EFR3B: variants seen among roughly 807,000 people sequenced by gnomAD.
The protein encoded by EFR3B is EFR3 homolog B, also known as protein EFR3 homolog B.
In EFR3B, 64 loss-of-function variants were observed where a neutral mutation model predicts 104.7. The observed-to-expected ratio is 0.61, with a 90% CI of 0.50 to 0.75. The LOEUF (loss-of-function observed/expected upper bound fraction) is 0.75, where lower values mean the gene tolerates loss of function less well. EFR3B is among the 30% of genes least tolerant of loss of function. The pLI, the probability that EFR3B is intolerant of heterozygous loss-of-function variation, is 0.00. For missense variants in EFR3B, 750 were observed against 1,078.5 expected (o/e 0.70, Z 4.27); for synonymous variants, 385 against 417.9 (o/e 0.92, Z 0.96).
chr2:25,073,319 A>G lies in EFR3B; in HGVS notation c.8-18006A>G, dbSNP rs573495986. Among the ~76,000 whole-genome samples, 6 of 151,998 alleles carry G rather than the reference A, an allele frequency of 3.9e-5. No homozygotes were observed. The East Asian group carries it at 1.2e-3, about 29-fold the overall frequency. ...TTCCAAGGCGTGCTCTCTCTATGCT[A>G]TAAAATACAAAACTGTGTATATTAT... On this transcript the variant is annotated intron_variant, in intron 1 of 22. Coordinates refer to ENST00000403714, the MANE Select transcript of EFR3B (RefSeq NM_014971.2).
chr2:25,101,541 G>A (rs1573203514), intron 3 of EFR3B, among the ~76,000 whole-genome samples: 1 of 152,052 alleles, frequency 6.6e-6, no homozygotes, highest in African/African-American at 2.4e-5. Flanking sequence ...TAAAGAAGGG[G>A]TCTCGCCATG....
At chr2:25,064,543 T>A (rs1312323319) in intron 1 of EFR3B, among the ~76,000 whole-genome samples, 4 of 152,202 alleles carry the variant, frequency 2.6e-5, no homozygotes, top group African/African-American at 9.6e-5. Context: ...TTTCTAACAC[T>A]ATTGTTTTCA....
At chr2:25,098,676 C>T (rs1348911312) in intron 3 of EFR3B, among the ~76,000 whole-genome samples, 2 of 152,022 alleles carry the variant, frequency 1.3e-5, no homozygotes, top group East Asian at 1.9e-4. Context: ...ATAAACATTC[C>T]ATCCTTACTA....
chr2:25,078,526 TGACTTCC>T (rs1668697049), intron 1 of EFR3B, among the ~76,000 whole-genome samples: 1 of 151,296 alleles, frequency 6.6e-6, no homozygotes, highest in East Asian at 1.9e-4. Context: ...GGAGGGGAGG[TGACTTCC>T]CTGAGTCTCA....
intron 1 of EFR3B, among the ~76,000 whole-genome samples, chr2:25,047,073 A>G (rs1667743353): frequency 6.6e-6 from 1 of 152,226 alleles, no homozygotes; most frequent in Admixed American, 6.5e-5. Flanking sequence ...AGTTCAGTGA[A>G]TACAAGTGGT....
rs1163490177 is a variant in EFR3B at position 25,156,299 on chromosome 2, T to G, written c.*1959T>G. The G allele has an allele frequency of 2.2e-5, 3 of 136,786 alleles. No homozygotes were observed. The highest frequency in any genetic ancestry group is 2.1e-4 in the East Asian group (1 of 4,754). 8.5% of individuals were successfully genotyped at this position (136,786 alleles called of 1,614,324 possible). ...ACAGCTTCTTTTTCTTGTTTTTTTT[T>G]TTTTTTTTTTTTTTTTGAGACACCG... On this transcript the variant is annotated 3_prime_UTR_variant, in exon 23 of 23. Coordinates refer to ENST00000403714, the MANE Select transcript of EFR3B (RefSeq NM_014971.2).
intron 1 of EFR3B, chr2:25,079,923 A>G: frequency 7.2e-7 from 1 of 1,394,862 alleles, no homozygotes; most frequent in Non-Finnish European, 1.0e-6. Flanking sequence ...CTGAAATTTC[A>G]CATCCACATG....
chr2:25,101,522 C>T (rs941825771), intron 3 of EFR3B, among the ~76,000 whole-genome samples: 3 of 152,028 alleles, frequency 2.0e-5, no homozygotes, highest in Non-Finnish European at 4.4e-5. Context: ...CTAATTTTTG[C>T]ATTTATCATA....
chr2:25,116,873 C>CA (rs1461756325), intron 4 of EFR3B, among the ~76,000 whole-genome samples: 5 of 152,132 alleles, frequency 3.3e-5, no homozygotes, highest in African/African-American at 1.2e-4. Context: ...CGCACCACCT[C>CA]AGGGGTAGCT....
intron 3 of EFR3B, among the ~76,000 whole-genome samples, chr2:25,095,658 T>C (rs1010512377): frequency 6.6e-6 from 1 of 152,210 alleles, no homozygotes; most frequent in East Asian, 1.9e-4. Context: ...ATCACGCCAC[T>C]GCACTCCAGC....
intron 1 of EFR3B, among the ~76,000 whole-genome samples, chr2:25,050,797 A>G (rs768420894): frequency 9.9e-5 from 15 of 152,238 alleles, no homozygotes; most frequent in South Asian, 8.3e-4. Context: ...ATTCATTAGC[A>G]TTGTAAAATT....
Position 25,042,495 on chromosome 2 carries a change from T to G in EFR3B, c.7+176T>G. 8.3e-7 allele frequency: 1 copy of G among 1,202,434 alleles called. No homozygotes were observed. The highest frequency in any genetic ancestry group is 1.0e-6 in the Non-Finnish European group (1 of 969,338). The allele number at this position is 1,202,434 out of a possible 1,614,324, so 74.5% of individuals were successfully genotyped here. Reference sequence around the variant, plus strand: ...CGCGTCTGCGCTGCGAGGACAAAGATGCCTCGGGCCGGGGACCCTGGGGTC... The same window carrying G: ...CGCGTCTGCGCTGCGAGGACAAAGAGGCCTCGGGCCGGGGACCCTGGGGTC... On this transcript the variant is annotated intron_variant, in intron 1 of 22. Transcript: ENST00000403714. This position sits in a 1 kb window ranked among gnomAD's most constrained non-coding sequence, Gnocchi z 5.4.
In EFR3B at chr2:25,131,352, C is replaced by T; in HGVS notation, c.850-16C>T. 6.5e-7 allele frequency: 1 copy of T among 1,549,118 alleles called. No homozygotes were observed. Among genetic ancestry groups the T allele is most frequent in the Non-Finnish European group, 8.7e-7 (1 of 1,145,832 alleles). On this transcript the variant is annotated splice_polypyrimidine_tract_variant and intron_variant, in intron 8 of 22. Coordinates refer to ENST00000403714, the MANE Select transcript of EFR3B (RefSeq NM_014971.2). This position sits in a 1 kb window ranked among gnomAD's most constrained non-coding sequence, Gnocchi z 7.6. Reference sequence around the variant, plus strand: ...GTGGGGTTGCTGTCCAGGCCCAGCTCATCTTCCTCCCGCAGCCGCAGCACT... The same window carrying T: ...GTGGGGTTGCTGTCCAGGCCCAGCTTATCTTCCTCCCGCAGCCGCAGCACT...
intron 1 of EFR3B, chr2:25,079,875 C>A: frequency 8.3e-7 from 1 of 1,207,360 alleles, no homozygotes; most frequent in Non-Finnish European, 1.2e-6. Context: ...CATTTAACAC[C>A]TTCAGCCATC....
intron 1 of EFR3B, among the ~76,000 whole-genome samples, chr2:25,073,705 C>G (rs1668556630): frequency 6.6e-6 from 1 of 152,072 alleles, no homozygotes. Context: ...GTGCCAGGTG[C>G]CTGCAAGGAG....
chr2:25,059,372 C>T (rs1668116376), intron 1 of EFR3B, among the ~76,000 whole-genome samples: 1 of 151,970 alleles, frequency 6.6e-6, no homozygotes, highest in Admixed American at 6.6e-5. Flanking sequence ...TCATGAACCA[C>T]CACACCCGGC....
rs75316949 is a variant in EFR3B at position 25,149,549 on chromosome 2, G to C, written c.2143-145G>C. 7.9e-6 allele frequency: 6 copies of C among 761,408 alleles called. No homozygotes were observed. In the East Asian group the frequency reaches 1.1e-4, roughly 14 times the overall value. The allele number at this position is 761,408 out of a possible 1,614,324, so 47.2% of individuals were successfully genotyped here. A position where few individuals can be genotyped will look rare whatever the true frequency, so the allele number is the denominator to read the frequency against. On this transcript the variant is annotated intron_variant, in intron 19 of 22. Transcript: ENST00000403714. ...GCTCAGGGAGCTTCTGAGACCCTGA[G>C]GGGGGTGGGGGTGTCCTGAGGGACT...
At chr2:25,148,605 T>C (rs757749896) in intron 19 of EFR3B, among the ~76,000 whole-genome samples, 5 of 151,680 alleles carry the variant, frequency 3.3e-5, no homozygotes, top group Admixed American at 6.6e-5. Context: ...TCAAGTCGCA[T>C]TGGTGGGTAA....
intron 5 of EFR3B, among the ~76,000 whole-genome samples, chr2:25,122,893 G>A (rs1401617443): frequency 1.3e-5 from 2 of 152,154 alleles, no homozygotes; most frequent in Non-Finnish European, 2.9e-5. Flanking sequence ...AACACTGCCT[G>A]GAGAGCAGTG....
Sources: allele counts gnomAD v4.1 joint callset (sites outside exome capture counted in the v4.1 genomes callset), GRCh38; gene constraint gnomAD v4.1.1; non-coding constraint Gnocchi (gnomAD v3.1); transcripts MANE v1.5; gene names NCBI Gene and HGNC (gene_info 2026-07-23, HGNC 2026-07-21).